CBX5: variants seen among roughly 807,000 people sequenced by gnomAD.
The protein encoded by CBX5 is chromobox 5.
A neutral mutation model predicts 20.7 loss-of-function variants in CBX5; 7 were observed. That is an observed-to-expected ratio of 0.34 (90% CI 0.19 to 0.63). The LOEUF is 0.63. Among genes scored for constraint, CBX5 ranks in the 30% least tolerant of loss-of-function variants. The pLI is 0.75. For synonymous variants in CBX5, 78 were observed against 77.0 expected (o/e 1.01, Z -0.07); for missense variants, 110 against 224.1 (o/e 0.49, Z 3.25).
rs200759243 is a variant in CBX5, at chr12:54,257,504, A to G, written c.137+10T>C. The G allele has an allele frequency of 8.9e-5, 144 of 1,614,020 alleles. No individual in the cohort carries two copies. The African/African-American group carries it at 1.8e-3, about 20-fold the overall frequency. On this transcript the variant is annotated intron_variant, in intron 2 of 4. Coordinates refer to ENST00000209875, the MANE Select transcript of CBX5 (RefSeq NM_012117.3). The stretch of plus-strand genomic sequence containing the variant: ...AGAGTCCCAACGCCTGGGGGAAAAA[A>G]GGAACTTACTCAGAAAAGCCTTTCC...
Position 54,236,236 on chromosome 12 carries a change from T to G in CBX5, c.*5519A>C, listed in dbSNP as rs970720129. ...TTATAGCATTTATTATACCAAACTA[T>G]TTTTTTTTTGAACAGAAACATAGCT... is the stretch of plus-strand genomic sequence containing the variant. On this transcript the variant is annotated 3_prime_UTR_variant, in exon 5 of 5. Transcript: ENST00000209875. The G allele has an allele frequency of 4.0e-5, 6 of 148,234 alleles. No homozygotes were observed. Among genetic ancestry groups the G allele is most frequent in the Non-Finnish European group, 4.5e-5 (3 of 67,228 alleles). The allele number at this position is 148,234 out of a possible 1,614,324, so 9.2% of individuals were successfully genotyped here.
intron 3 of CBX5, among the ~76,000 whole-genome samples, chr12:54,248,172 C>T (rs1011613358): frequency 7.2e-5 from 11 of 151,856 alleles, no homozygotes; most frequent in Non-Finnish European, 1.3e-4. Flanking sequence ...TATTTTTAGT[C>T]GAGACAGGGT....
chr12:54,264,707 G>A (rs923416420), intron 1 of CBX5, among the ~76,000 whole-genome samples: 2 of 152,136 alleles, frequency 1.3e-5, no homozygotes, highest in African/African-American at 4.8e-5. Context: ...GCCAGGTGTG[G>A]TGGCAGGTGC....
intron 2 of CBX5, among the ~76,000 whole-genome samples, chr12:54,255,233 C>G (rs1816654161): frequency 6.6e-6 from 1 of 152,002 alleles, no homozygotes; most frequent in South Asian, 2.1e-4. Flanking sequence ...GCGAGACCAG[C>G]CTGGGTAACA....
At chr12:54,249,233 G>C (rs1943768151) in intron 3 of CBX5, among the ~76,000 whole-genome samples, 1 of 152,070 alleles carries the variant, frequency 6.6e-6, no homozygotes, top group Non-Finnish European at 1.5e-5. Context: ...AGCCAGGCAT[G>C]GTGGCATGTG....
In CBX5 at chr12:54,261,483, G is replaced by A. The variant is rs181340945; in HGVS notation, c.-42-3791C>T. ...AGCTAATTTTTGTATTTTTAGCAGA[G>A]ATGGGGTTTCATCATGTTGGCCAGG... On this transcript the variant is annotated intron_variant, in intron 1 of 4. Coordinates refer to ENST00000209875, the MANE Select transcript of CBX5 (RefSeq NM_012117.3). 9.8e-4 allele frequency among the ~76,000 whole-genome samples: 149 copies of A among 152,120 alleles called. 2 individuals are homozygous for A. Among genetic ancestry groups the A allele is most frequent in the Middle Eastern group, 3.4e-3 (1 of 294 alleles).
intron 3 of CBX5, among the ~76,000 whole-genome samples, chr12:54,249,823 T>C (rs1943775107): frequency 6.6e-6 from 1 of 152,172 alleles, no homozygotes; most frequent in African/African-American, 2.4e-5. Flanking sequence ...ATAAATACAC[T>C]TCCCAAACTG....
intron 1 of CBX5, chr12:54,259,486 T>A (rs1291744949): frequency 3.9e-5 from 6 of 152,632 alleles, no homozygotes; most frequent in Admixed American, 2.6e-4. Context: ...AGAAAATGAA[T>A]GGGGGTTCCC....
At chr12:54,260,251 G>A (rs1288689762) in intron 1 of CBX5, among the ~76,000 whole-genome samples, 1 of 152,030 alleles carries the variant, frequency 6.6e-6, no homozygotes, top group African/African-American at 2.4e-5. Context: ...AGAACTTTGG[G>A]AGGCCGGGAC....
intron 1 of CBX5, among the ~76,000 whole-genome samples, chr12:54,269,208 A>C (rs1943985744): frequency 6.6e-6 from 1 of 151,730 alleles, no homozygotes; most frequent in Non-Finnish European, 1.5e-5. Context: ...GGTTGCAGTG[A>C]GTCGAGATTG....
intron 2 of CBX5, among the ~76,000 whole-genome samples, chr12:54,254,792 G>T (rs1403128105): frequency 1.3e-5 from 2 of 151,988 alleles, no homozygotes; most frequent in Non-Finnish European, 2.9e-5. Context: ...GAAGGAGGTT[G>T]CAGTGAGCCA....
chr12:54,248,201 C>A (rs774397047), intron 3 of CBX5, among the ~76,000 whole-genome samples: 13 of 152,040 alleles, frequency 8.6e-5, no homozygotes, highest in Non-Finnish European at 1.6e-4. Flanking sequence ...GTTGACCACA[C>A]TGGTCTTGAA....
At chr12:54,270,275 T>C (rs1412286676) in intron 1 of CBX5, among the ~76,000 whole-genome samples, 2 of 152,158 alleles carry the variant, frequency 1.3e-5, no homozygotes, top group Non-Finnish European at 1.5e-5. Flanking sequence ...CTTAACTGCA[T>C]CCCACAATTT....
Position 54,250,450 on chromosome 12 carries a change from T to G in CBX5, c.324+1591A>C, listed in dbSNP as rs567931376. ...ATAAAATATTTAATTGTATATTATA[T>G]GATTTTCACTGCAAAAAAAAGATTA... On this transcript the variant is annotated intron_variant, in intron 3 of 4. Coordinates refer to ENST00000209875, the MANE Select transcript of CBX5 (RefSeq NM_012117.3). Among the ~76,000 whole-genome samples the G allele has an allele frequency of 4.1e-4, 63 of 152,020 alleles. 1 individual carries two copies. The South Asian group carries it at 0.012, about 29-fold the overall frequency.
At position 54,236,507 on chromosome 12, in the gene CBX5, T is replaced by C. The variant is rs1236621853; in HGVS notation, c.*5248A>G. 2 of 152,238 alleles carry C rather than the reference T, an allele frequency of 1.3e-5. No individual in the cohort carries two copies. The highest frequency in any genetic ancestry group is 2.9e-5 in the Non-Finnish European group (2 of 68,038). The allele number at this position is 152,238 out of a possible 1,614,324, so 9.4% of individuals were successfully genotyped here. A position where few individuals can be genotyped will look rare whatever the true frequency, so the allele number is the denominator to read the frequency against. On this transcript the variant is annotated 3_prime_UTR_variant, in exon 5 of 5. Coordinates refer to ENST00000209875, the MANE Select transcript of CBX5 (RefSeq NM_012117.3). ...CTAGTATCATCTACTTTTGAAAACA[T>C]AATTTTTATGATTAGCAGGTAAAGG...
Position 54,238,419 on chromosome 12 carries a change from CAT to C in CBX5, c.*3334_*3335del, listed in dbSNP as rs1565865184. The C allele has an allele frequency of 6.6e-6, 1 of 152,080 alleles. No individual in the cohort carries two copies. The highest frequency in any genetic ancestry group is 1.5e-5 in the Non-Finnish European group (1 of 68,012). 9.4% of individuals were successfully genotyped at this position (152,080 alleles called of 1,614,324 possible). On this transcript the variant is annotated 3_prime_UTR_variant, in exon 5 of 5. Transcript: ENST00000209875. ...AAAGGCAGCAGGAGTTGATAGAAAACATAACTAAAAAAGTAGAAGACACTGTT... is the reference window on the plus strand; with the variant it reads ...AAAGGCAGCAGGAGTTGATAGAAAACAACTAAAAAAGTAGAAGACACTGTT...
intron 1 of CBX5, among the ~76,000 whole-genome samples, chr12:54,275,977 C>T (rs1317048823): frequency 1.6e-5 from 2 of 121,312 alleles, no homozygotes; most frequent in African/African-American, 6.8e-5. Context: ...GCAACAAGAG[C>T]GAGACTCCAT....
At chr12:54,245,023 T>A (rs1023854856) in intron 4 of CBX5, among the ~76,000 whole-genome samples, 4 of 151,280 alleles carry the variant, frequency 2.6e-5, no homozygotes, top group Admixed American at 1.3e-4. Context: ...ATTATTTTTT[T>A]TTTTTAGAGA....
intron 1 of CBX5, among the ~76,000 whole-genome samples, chr12:54,279,751 A>T (rs1248783961): frequency 6.6e-6 from 1 of 152,132 alleles, no homozygotes; most frequent in Non-Finnish European, 1.5e-5. Context: ...CCGATGGCCC[A>T]AGGGCCGATC....
Sources: allele counts gnomAD v4.1 joint callset (sites outside exome capture counted in the v4.1 genomes callset), GRCh38; gene constraint gnomAD v4.1.1; transcripts MANE v1.5; gene names NCBI Gene and HGNC (gene_info 2026-07-23, HGNC 2026-07-21).